TESC: variants seen among roughly 807,000 people sequenced by gnomAD.
TESC encodes the protein tescalcin, also known as calcineurin B homologous protein 3.
Under a neutral mutation model 31.0 loss-of-function variants are expected in TESC, and 19 were observed. The observed-to-expected ratio is 0.61, with a 90% CI of 0.43 to 0.90. The LOEUF is 0.90. TESC is among the 40% of genes least tolerant of loss of function. TESC has a pLI of 0.00. For synonymous variants in TESC, 109 were observed against 114.8 expected, an observed-to-expected ratio of 0.95 and a Z score of 0.32; for missense variants, 248 against 303.8, an observed-to-expected ratio of 0.82 and a Z score of 1.36.
At chr12:117,078,505 G>C (rs1955102803) in intron 1 of TESC, among the ~76,000 whole-genome samples, 2 of 152,052 alleles carry the variant, frequency 1.3e-5, no homozygotes. Context: ...ACACTTTTTG[G>C]TATGTTTAGC....
At position 117,057,931 on chromosome 12, in the gene TESC, T is replaced by C. The variant is rs571673153; in HGVS notation, c.129-1045A>G. Among the ~76,000 whole-genome samples, 590 of 152,164 alleles carry C rather than the reference T, an allele frequency of 3.9e-3. 1 individual carries two copies. Among genetic ancestry groups the C allele is most frequent in the Non-Finnish European group, 6.0e-3 (408 of 67,990 alleles). ...CAAATGAATCTAAAAAACATGATGC[T>C]AAGTGAGCCCGGGCGCCGTAGCTCA... On this transcript the variant is annotated intron_variant, in intron 2 of 7. Transcript: ENST00000335209.
intron 1 of TESC, among the ~76,000 whole-genome samples, chr12:117,080,153 A>G (rs1317707127): frequency 6.6e-6 from 1 of 152,114 alleles, no homozygotes; most frequent in Non-Finnish European, 1.5e-5. Context: ...TCTAATGAAG[A>G]GTTTCCAGTT....
At chr12:117,087,494 A>T (rs1020815585) in intron 1 of TESC, among the ~76,000 whole-genome samples, 5 of 152,110 alleles carry the variant, frequency 3.3e-5, no homozygotes, top group African/African-American at 1.2e-4. Flanking sequence ...TCAGGACTGA[A>T]GGGGAAGCTG....
intron 4 of TESC, 134 bp from the exon 5 acceptor site, chr12:117,046,972 G>C (rs1954576524): frequency 1.1e-6 from 1 of 939,722 alleles, no homozygotes; most frequent in Non-Finnish European, 1.6e-6. Flanking sequence ...GTCAGGGCAT[G>C]AGCTGTGGGA....
At chr12:117,059,709 C>T (rs2135764812) in intron 2 of TESC, among the ~76,000 whole-genome samples, 1 of 152,276 alleles carries the variant, frequency 6.6e-6, no homozygotes, top group African/African-American at 2.4e-5. Flanking sequence ...TCTCCTGCCT[C>T]AGCCTCCCGA....
chr12:117,061,894 C>T lies in TESC; in HGVS notation c.129-5008G>A, dbSNP rs77612598. ...GAGTAATCACAGCATGTCTTCAAGC[C>T]GTGATTTCTCATATGTAAAATGGGG... On this transcript the variant is annotated intron_variant, in intron 2 of 7. Transcript: ENST00000335209. 2.1e-3 allele frequency among the ~76,000 whole-genome samples: 320 copies of T among 152,238 alleles called. 4 individuals are homozygous for T. The highest frequency in any genetic ancestry group is 7.4e-3 in the African/African-American group (309 of 41,528).
At chr12:117,063,480 TG>T (rs1440785633) in intron 2 of TESC, among the ~76,000 whole-genome samples, 4 of 152,042 alleles carry the variant, frequency 2.6e-5, no homozygotes, top group Non-Finnish European at 2.9e-5. Context: ...CCTCGTGGTG[TG>T]GGTTGGTTTC....
intron 2 of TESC, among the ~76,000 whole-genome samples, chr12:117,069,820 T>C (rs370217643): frequency 6.6e-6 from 1 of 152,244 alleles, no homozygotes; most frequent in Non-Finnish European, 1.5e-5. Context: ...AACTTCTAAG[T>C]GCAACTTACA....
intron 2 of TESC, among the ~76,000 whole-genome samples, chr12:117,062,716 A>C (rs1158827657): frequency 6.6e-6 from 1 of 152,140 alleles, no homozygotes; most frequent in Non-Finnish European, 1.5e-5. Context: ...GGACAGGCTA[A>C]CCTTTTCATT....
chr12:117,055,651 T>C (rs999185909), intron 3 of TESC, among the ~76,000 whole-genome samples: 11 of 152,292 alleles, frequency 7.2e-5, no homozygotes, highest in Middle Eastern at 6.8e-3. Flanking sequence ...GTCCCATCGG[T>C]TCATTCAGGG....
At chr12:117,046,024 A>C (rs2135748428) in intron 6 of TESC, among the ~76,000 whole-genome samples, 1 of 152,254 alleles carries the variant, frequency 6.6e-6, no homozygotes, top group East Asian at 1.9e-4. Context: ...AGATGTAATA[A>C]ATGATGAACA....
Position 117,039,043 on chromosome 12 carries a change from A to G in TESC, c.*90T>C. On this transcript the variant is annotated 3_prime_UTR_variant, in exon 8 of 8. Coordinates refer to ENST00000335209, the MANE Select transcript of TESC (RefSeq NM_017899.4). ...TTGGCTATGTACCGGCGCTGCAGGA[A>G]GAGGCTGTCCGCCGGGCCTGGGCTG... The G allele has an allele frequency of 5.6e-6, 8 of 1,436,094 alleles. No homozygotes were observed. The highest frequency in any genetic ancestry group is 6.7e-6 in the Non-Finnish European group (7 of 1,039,568). The allele number at this position is 1,436,094 out of a possible 1,614,324, so 89.0% of individuals were successfully genotyped here.
chr12:117,056,256 C>T (rs1437602730), intron 3 of TESC, among the ~76,000 whole-genome samples: 4 of 152,122 alleles, frequency 2.6e-5, no homozygotes, highest in Non-Finnish European at 1.5e-5. Flanking sequence ...AGGGTTTCAC[C>T]ATGTTGGCCA....
chr12:117,039,866 G>C (rs1433789618), intron 7 of TESC, among the ~76,000 whole-genome samples: 1 of 152,246 alleles, frequency 6.6e-6, no homozygotes, highest in African/African-American at 2.4e-5. Flanking sequence ...CAGAACCTTG[G>C]AGTGGGCCTT....
At chr12:117,070,551 A>G (rs1299819581) in intron 2 of TESC, among the ~76,000 whole-genome samples, 1 of 152,150 alleles carries the variant, frequency 6.6e-6, no homozygotes, top group Non-Finnish European at 1.5e-5. Flanking sequence ...GCAGGGCAGG[A>G]AGACTGAGGT....
chr12:117,066,869 T>C (rs1429820282), intron 2 of TESC, among the ~76,000 whole-genome samples: 1 of 152,106 alleles, frequency 6.6e-6, no homozygotes, highest in Non-Finnish European at 1.5e-5. Flanking sequence ...GCAAGGACCA[T>C]GTCAGTATCA....
chr12:117,063,168 GA>G (rs1355836625), intron 2 of TESC, among the ~76,000 whole-genome samples: 5 of 152,198 alleles, frequency 3.3e-5, no homozygotes, highest in Non-Finnish European at 7.4e-5. Flanking sequence ...ACAAGGCCCA[GA>G]GAGGCAAAGA....
At chr12:117,093,945 G>A (rs1294216158) in intron 1 of TESC, among the ~76,000 whole-genome samples, 3 of 152,072 alleles carry the variant, frequency 2.0e-5, no homozygotes, top group Non-Finnish European at 4.4e-5. Context: ...ACACGGATGG[G>A]GGGGACAGGA....
At chr12:117,043,168 C>T (rs1482962980) in intron 6 of TESC, among the ~76,000 whole-genome samples, 3 of 151,806 alleles carry the variant, frequency 2.0e-5, no homozygotes, top group South Asian at 2.1e-4. Flanking sequence ...TGGGGTCATA[C>T]GGAGAAAATG....
Sources: gnomAD v4.1 joint callset for allele counts (sites outside exome capture counted in the v4.1 genomes callset) on GRCh38, gnomAD v4.1.1 for gene constraint, MANE v1.5 for transcripts, NCBI Gene and HGNC (gene_info 2026-07-23, HGNC 2026-07-21) for gene names.